Variants in MICAL3 observed in about 807,000 individuals in gnomAD.
MICAL3 encodes [F-actin]-monooxygenase MICAL3.
A neutral mutation model predicts 207.4 loss-of-function variants in MICAL3; 62 were observed. The ratio of observed to expected loss-of-function variants is 0.30; its 90% CI spans 0.24 to 0.37. The LOEUF is 0.37. Among genes scored for constraint, MICAL3 ranks in the 10% least tolerant of loss-of-function variants. The pLI is 1.00. For missense variants in MICAL3, 2,368 were observed against 2,635.6 expected, an observed-to-expected ratio of 0.90 and a Z score of 2.22; for synonymous variants, 1,077 against 1,069.3, an observed-to-expected ratio of 1.01 and a Z score of -0.14.
At chr22:17,929,863 C>A (rs993943273) in intron 1 of MICAL3, among the ~76,000 whole-genome samples, 1 of 152,174 alleles carries the variant, frequency 6.6e-6, no homozygotes, top group Non-Finnish European at 1.5e-5. Context: ...CCACTGCGCC[C>A]GGCCTCTATG....
intron 29 of MICAL3, among the ~76,000 whole-genome samples, chr22:17,805,575 T>G (rs995859533): frequency 6.6e-6 from 1 of 152,194 alleles, no homozygotes; most frequent in Non-Finnish European, 1.5e-5. Context: ...AAGACTCATC[T>G]AAAGGAAGGA....
chr22:17,820,004 ATGC>A (rs1921390626), intron 25 of MICAL3, among the ~76,000 whole-genome samples: 1 of 148,774 alleles, frequency 6.7e-6, no homozygotes, highest in Non-Finnish European at 1.5e-5. Flanking sequence ...ACAGTGGCTC[ATGC>A]TGTAATCCCA....
intron 1 of MICAL3, among the ~76,000 whole-genome samples, chr22:17,917,013 T>G (rs1247130237): frequency 6.6e-6 from 1 of 152,168 alleles, no homozygotes. Context: ...CAACAGCCCT[T>G]ACTACCGAGA....
At chr22:17,989,108 C>T (rs1346588195) in intron 1 of MICAL3, among the ~76,000 whole-genome samples, 1 of 152,166 alleles carries the variant, frequency 6.6e-6, no homozygotes. Flanking sequence ...TTCAAACCCC[C>T]GGCAGGTTCC....
At chr22:17,971,293 C>T (rs1056676815) in intron 1 of MICAL3, among the ~76,000 whole-genome samples, 1 of 152,122 alleles carries the variant, frequency 6.6e-6, no homozygotes, top group South Asian at 2.1e-4. Context: ...CATGGTGAAA[C>T]CCCATCTCTA....
chr22:17,876,784 G>GAGAAGTTAT (rs1382870313), intron 16 of MICAL3: 1 of 55,630 alleles, frequency 1.8e-5, no homozygotes, highest in African/African-American at 6.5e-5. Flanking sequence ...ATGGAGGTTA[G>GAGAAGTTAT]GGAGGTTAGG....
intron 20 of MICAL3, among the ~76,000 whole-genome samples, chr22:17,833,754 T>C (rs927959971): frequency 1.2e-4 from 19 of 152,156 alleles, no homozygotes; most frequent in Non-Finnish European, 1.0e-4. Flanking sequence ...AGATCAACCA[T>C]GTGGATAATC....
At chr22:17,876,743 GGTTAGGGAGGTTAAGGAGGTTAGGGAA>G (rs1569108881) in intron 16 of MICAL3, 2 of 150,126 alleles carry the variant, frequency 1.3e-5, no homozygotes, top group Non-Finnish European at 3.0e-5. Flanking sequence ...AGCTTATGGA[GGTTAGGGAGGTTAAGGAGGTTAGGGAA>G]GTTATGGAGG....
chr22:17,860,308 C>T, intron 19 of MICAL3: 2 of 985,414 alleles, frequency 2.0e-6, no homozygotes, highest in Non-Finnish European at 2.4e-6. Context: ...CAAGAACTCA[C>T]AAGAGCACAA....
At chr22:17,901,189 A>AGTC (rs748565381) in intron 5 of MICAL3, among the ~76,000 whole-genome samples, 192 bp from the exon 6 acceptor site, 2 of 152,228 alleles carry the variant, frequency 1.3e-5, no homozygotes, top group Non-Finnish European at 2.9e-5. Context: ...TCAGGGAAGA[A>AGTC]GTCAAAGTCT....
rs538826064 is a variant in MICAL3 at position 17,817,397 on chromosome 22, G to C, written c.5264C>G (p.Ala1755Gly). Residue 1755 changes from alanine (A) to glycine (G), a missense_variant, in exon 26 of 32, where the codon GCC (alanine) becomes GGC (glycine). Physicochemically the swap from Ala to Gly is moderately conservative, Grantham distance 60. Transcript: ENST00000441493. Reference protein sequence around the residue: ...SGYKKDKKKKADDKSCPSTPS... With the variant: ...SGYKKDKKKKGDDKSCPSTPS... ...GGTGCTGGGGCAGGACTTGTCGTCG[G>C]CCTTCTTCTTCTTGTCCTTCTTGTA... The C allele has an allele frequency of 3.8e-5, 62 of 1,613,186 alleles. No individual in the cohort carries two copies. In the South Asian group the frequency reaches 6.4e-4, roughly 17 times the overall value.
chr22:17,957,872 T>A (rs917224595), intron 1 of MICAL3, among the ~76,000 whole-genome samples: 3 of 152,084 alleles, frequency 2.0e-5, no homozygotes, highest in Non-Finnish European at 4.4e-5. Context: ...CGGCAGCCTG[T>A]CAAATGGTGC....
Position 17,938,704 on chromosome 22 carries a change from G to A in MICAL3, c.-74-31818C>T, listed in dbSNP as rs1933665824. Among the ~76,000 whole-genome samples the A allele has an allele frequency of 3.3e-5, 5 of 152,294 alleles. 1 individual carries two copies. The highest frequency in any genetic ancestry group is 1.5e-5 in the Non-Finnish European group (1 of 68,024). On this transcript the variant is annotated intron_variant, in intron 1 of 31. Coordinates refer to ENST00000441493, the MANE Select transcript of MICAL3 (RefSeq NM_015241.3). The stretch of plus-strand genomic sequence containing the variant: ...GGACTAAACGGAAGCGTGGCAGAGG[G>A]TGAGGCCACTGCTCACTTGTGAAAG...
intron 11 of MICAL3, 46 bp downstream of exon 11, chr22:17,893,762 T>C: frequency 7.2e-7 from 1 of 1,381,632 alleles, no homozygotes; most frequent in South Asian, 1.2e-5. Flanking sequence ...TATAGACTTC[T>C]CTGAAGGGGC....
At chr22:18,013,499 T>C (rs1923870868) in intron 1 of MICAL3, among the ~76,000 whole-genome samples, 1 of 152,224 alleles carries the variant, frequency 6.6e-6, no homozygotes, top group South Asian at 2.1e-4. Flanking sequence ...GTCTGTCTGA[T>C]GTGGGGTCAT....
rs192306749 is a variant in MICAL3, at chr22:18,011,886, T to C, written c.-75+12395A>G. Among the ~76,000 whole-genome samples, 1,370 of 150,484 alleles carry C rather than the reference T, an allele frequency of 9.1e-3. 18 individuals carry two copies. Among genetic ancestry groups the C allele is most frequent in the African/African-American group, 0.031 (1,259 of 41,176 alleles). The stretch of plus-strand genomic sequence containing the variant: ...CAGCCTGGGCGACGGAGCGAGACTC[T>C]GTCTCAAAAAATAATAATAATAATA... On this transcript the variant is annotated intron_variant, in intron 1 of 31. Transcript: ENST00000441493.
In MICAL3 at chr22:17,900,064, A is replaced by C. The variant is rs2146255025; in HGVS notation, c.848-516T>G. ...GAAGGCACATTTAGCAAAATATCTA[A>C]GTTGATCTATTCAAAACCTATCATA... On this transcript the variant is annotated intron_variant, in intron 6 of 31. Coordinates refer to ENST00000441493, the MANE Select transcript of MICAL3 (RefSeq NM_015241.3). The surrounding 1 kb of genome is among the most constrained non-coding windows in gnomAD (Gnocchi z 4.0). Among the ~76,000 whole-genome samples the C allele has an allele frequency of 6.6e-6, 1 of 152,350 alleles. No homozygotes were observed. Among genetic ancestry groups the C allele is most frequent in the South Asian group, 2.1e-4 (1 of 4,832 alleles).
chr22:17,884,277 G>A, intron 16 of MICAL3: 1 of 1,587,838 alleles, frequency 6.3e-7, no homozygotes, highest in Non-Finnish European at 8.5e-7. Context: ...TCCTTTACCT[G>A]TTTCCACCGG....
intron 16 of MICAL3, among the ~76,000 whole-genome samples, chr22:17,880,469 G>A (rs902867998): frequency 1.3e-5 from 2 of 152,262 alleles, no homozygotes; most frequent in Non-Finnish European, 2.9e-5. Context: ...CATGGACACA[G>A]GTGGGGCCTT....
Sources: allele counts gnomAD v4.1 joint callset (sites outside exome capture counted in the v4.1 genomes callset), GRCh38; gene constraint gnomAD v4.1.1; non-coding constraint Gnocchi (gnomAD v3.1); transcripts MANE v1.5; gene names NCBI Gene and HGNC (gene_info 2026-07-23, HGNC 2026-07-21).